Variants in ARHGEF10 observed in about 807,000 individuals in gnomAD.
ARHGEF10 encodes the protein Rho guanine nucleotide exchange factor (GEF) 10.
ARHGEF10 carries 140 observed loss-of-function variants against 147.4 expected under a neutral mutation model. That is an observed-to-expected ratio of 0.95 (90% CI 0.83 to 1.09). The LOEUF is 1.09. Ranked by LOEUF, ARHGEF10 falls within the 50% of genes least tolerant of loss-of-function variation. The pLI is 0.00. For missense variants in ARHGEF10, 2,222 were observed against 1,752.7 expected, an observed-to-expected ratio of 1.27 and a Z score of -4.78; for synonymous variants, 902 against 695.8, an observed-to-expected ratio of 1.30 and a Z score of -4.67.
At position 1,948,982 on chromosome 8, in the gene ARHGEF10, A is replaced by C. The variant is rs1814810073; in HGVS notation, c.3397+3327A>C. On this transcript the variant is annotated intron_variant, in intron 27 of 28. Transcript: ENST00000349830. This position sits in a 1 kb window ranked among gnomAD's most constrained non-coding sequence, Gnocchi z 4.9. ...CGCACACACACAAAACCTTCATTCT[A>C]GAGTTGTATTCATGACGATGCTCAA... 6.6e-6 allele frequency among the ~76,000 whole-genome samples: 1 copy of C among 151,774 alleles called. No individual in the cohort carries two copies. Among genetic ancestry groups the C allele is most frequent in the African/African-American group, 2.4e-5 (1 of 41,248 alleles).
chr8:1,846,908 TACCGCGTTA>T (rs1325958844), intron 2 of ARHGEF10, among the ~76,000 whole-genome samples: 1 of 152,220 alleles, frequency 6.6e-6, no homozygotes. Flanking sequence ...TAGGTTTTTA[TACCGCGTTA>T]ACATTTGTGT....
At chr8:1,940,283 T>A (rs1408208979) in intron 26 of ARHGEF10, among the ~76,000 whole-genome samples, 1 of 152,226 alleles carries the variant, frequency 6.6e-6, no homozygotes, top group Non-Finnish European at 1.5e-5. Flanking sequence ...GGGAGTAATT[T>A]CTGCTTTATT....
chr8:1,849,443 G>A (rs1304745593), intron 2 of ARHGEF10, among the ~76,000 whole-genome samples: 2 of 150,940 alleles, frequency 1.3e-5, no homozygotes, highest in African/African-American at 4.9e-5. Context: ...GCTGAGGAGG[G>A]CGTGGGGCGG....
chr8:1,923,157 T>G, intron 19 of ARHGEF10, 78 bp downstream of exon 19: 1 of 1,120,712 alleles, frequency 8.9e-7, no homozygotes, highest in Non-Finnish European at 1.3e-6. Flanking sequence ...TATCTCCAAG[T>G]TCTACCAGAA....
rs1450362867 is a variant in ARHGEF10 at position 1,919,850 on chromosome 8, TGCTGTGGATGATGGAGCTGC to T, written c.2144-3113_2144-3094del. On this transcript the variant is annotated intron_variant, in intron 18 of 28. Coordinates refer to ENST00000349830, the MANE Select transcript of ARHGEF10 (RefSeq NM_014629.4). ...AGCTGTTCTGTCAGTGATGGAGCTGTGCTGTGGATGATGGAGCTGCTCTGTGGGTGATGAGCTGTTCTGTC... is the reference window on the plus strand; with the variant it reads ...AGCTGTTCTGTCAGTGATGGAGCTGTTCTGTGGGTGATGAGCTGTTCTGTC... Among the ~76,000 whole-genome samples the T allele has an allele frequency of 2.5e-4, 37 of 146,474 alleles. 1 individual carries two copies. The highest frequency in any genetic ancestry group is 6.0e-4 in the Admixed American group (9 of 14,902).
intron 27 of ARHGEF10, among the ~76,000 whole-genome samples, chr8:1,950,519 A>ATTATTTAT (rs566404844): frequency 3.1e-4 from 47 of 151,368 alleles, no homozygotes; most frequent in African/African-American, 9.5e-4. Context: ...TACCCTTTTT[A>ATTATTTAT]TTATTTATTT....
rs1262360140 is a variant in ARHGEF10, at chr8:1,948,837, C to T, written c.3397+3182C>T. 1.3e-5 allele frequency among the ~76,000 whole-genome samples: 2 copies of T among 152,162 alleles called. No individual in the cohort carries two copies. Among genetic ancestry groups the T allele is most frequent in the African/African-American group, 4.8e-5 (2 of 41,436 alleles). ...TTAGACATTCCGGTGGGGGCATGCT[C>T]ATACCGTGCTGAAGTGCGCGGATGC... On this transcript the variant is annotated intron_variant, in intron 27 of 28. Transcript: ENST00000349830. This position sits in a 1 kb window ranked among gnomAD's most constrained non-coding sequence, Gnocchi z 4.9.
chr8:1,842,265 A>G (rs1347341263), intron 1 of ARHGEF10, among the ~76,000 whole-genome samples: 2 of 152,006 alleles, frequency 1.3e-5, no homozygotes, highest in African/African-American at 4.8e-5. Flanking sequence ...GGTTGGGGGC[A>G]GGGTCCCACT....
At chr8:1,885,503 C>A in intron 10 of ARHGEF10, 98 bp from the exon 11 acceptor site, 1 of 859,844 alleles carries the variant, frequency 1.2e-6, no homozygotes, top group Non-Finnish European at 1.9e-6. Context: ...ATTGAAAGGT[C>A]TACACAAAAT....
At chr8:1,844,744 A>G (rs1451452161) in intron 2 of ARHGEF10, among the ~76,000 whole-genome samples, 1 of 152,108 alleles carries the variant, frequency 6.6e-6, no homozygotes, top group Admixed American at 6.5e-5. Flanking sequence ...GATTGCTGGC[A>G]TTCAGGCTCT....
At position 1,876,327 on chromosome 8, in the gene ARHGEF10, G is replaced by T. The variant is rs1205622114; in HGVS notation, c.680-244G>T. On this transcript the variant is annotated intron_variant, in intron 7 of 28. Coordinates refer to ENST00000349830, the MANE Select transcript of ARHGEF10 (RefSeq NM_014629.4). ...CAGGTGGTCCTCGGGGTACAGATGG[G>T]GCAGGGGCACTTGTGAGAAACACCT... The T allele has an allele frequency of 5.2e-6, 3 of 571,558 alleles. No individual in the cohort carries two copies. The African/African-American group carries it at 5.6e-5, about 11-fold the overall frequency. 35.4% of individuals were successfully genotyped at this position (571,558 alleles called of 1,614,324 possible). A position where few individuals can be genotyped will look rare whatever the true frequency, so the allele number is the denominator to read the frequency against.
At chr8:1,859,833 A>G (rs1446886549) in intron 3 of ARHGEF10, 64 bp from the exon 4 acceptor site, 26 of 1,587,236 alleles carry the variant, frequency 1.6e-5, no homozygotes, top group Non-Finnish European at 2.2e-5. Context: ...CTTGCGCTCC[A>G]GGAGGGCATG....
intron 27 of ARHGEF10, among the ~76,000 whole-genome samples, chr8:1,952,263 C>T (rs1815118099): frequency 6.6e-6 from 1 of 152,190 alleles, no homozygotes; most frequent in Admixed American, 6.5e-5. Flanking sequence ...CGAGTCCAGC[C>T]GCGCCCATTA....
At chr8:1,840,941 A>G (rs529895507) in intron 1 of ARHGEF10, among the ~76,000 whole-genome samples, 20 of 152,296 alleles carry the variant, frequency 1.3e-4, no homozygotes, top group Middle Eastern at 6.8e-3. Context: ...TGCTGCACAG[A>G]AAGCTCACCT....
intron 7 of ARHGEF10, among the ~76,000 whole-genome samples, chr8:1,875,073 C>G (rs112831848): frequency 0.011 from 177 of 16,234 alleles, no homozygotes; most frequent in African/African-American, 0.04. Flanking sequence ...ACACACACCA[C>G]GGCGTGTAGG....
At chr8:1,881,098 A>G (rs1808153336) in intron 9 of ARHGEF10, among the ~76,000 whole-genome samples, 1 of 152,166 alleles carries the variant, frequency 6.6e-6, no homozygotes, top group Non-Finnish European at 1.5e-5. Flanking sequence ...TTTCACAGAC[A>G]CGGGGAGTGC....
intron 5 of ARHGEF10, among the ~76,000 whole-genome samples, chr8:1,865,694 G>T (rs991685443): frequency 1.3e-5 from 2 of 149,414 alleles, no homozygotes; most frequent in Non-Finnish European, 3.0e-5. Context: ...TCGTCATCGT[G>T]GGGTGCTCTG....
At position 1,831,652 on chromosome 8, in the gene ARHGEF10, C is replaced by T. The variant is rs370319965; in HGVS notation, c.-48+7539C>T. On this transcript the variant is annotated intron_variant, in intron 1 of 28. Transcript: ENST00000349830. ...ACAGTGAGTGGTGAGCGAGTTGGGA[C>T]GCGAAGGCTGCTCTGTGCTGCTGGG... Among the ~76,000 whole-genome samples, 51 of 152,236 alleles carry T rather than the reference C, an allele frequency of 3.4e-4. 2 individuals are homozygous for T. In the South Asian group the frequency reaches 8.5e-3, roughly 25 times the overall value.
intron 8 of ARHGEF10, 38 bp downstream of exon 8, chr8:1,876,772 G>C (rs754161840): frequency 2.5e-5 from 40 of 1,607,056 alleles, no homozygotes; most frequent in Non-Finnish European, 3.2e-5. Context: ...TGGTTCTCTC[G>C]CGTTAACACG....
Sources: gnomAD v4.1 joint callset for allele counts (sites outside exome capture counted in the v4.1 genomes callset) on GRCh38, gnomAD v4.1.1 for gene constraint, Gnocchi (gnomAD v3.1) non-coding constraint, MANE v1.5 for transcripts, NCBI Gene and HGNC (gene_info 2026-07-23, HGNC 2026-07-21) for gene names.